Variants in PREX2 observed in about 807,000 individuals in gnomAD.
The protein encoded by PREX2 is phosphatidylinositol-3,4,5-trisphosphate dependent Rac exchange factor 2, also known as phosphatidylinositol 3,4,5-trisphosphate-dependent Rac exchanger 2 protein.
PREX2 carries 107 observed loss-of-function variants against 203.2 expected under a neutral mutation model. The observed-to-expected ratio is 0.53, with a 90% CI of 0.45 to 0.62. The LOEUF (loss-of-function observed/expected upper bound fraction) is 0.62, where lower values mean the gene tolerates loss of function less well. Ranked by LOEUF, PREX2 falls within the 20% of genes least tolerant of loss-of-function variation. PREX2 has a pLI of 0.00. For missense variants in PREX2, 1,777 were observed against 1,955.9 expected (o/e 0.91, Z 1.72); for synonymous variants, 672 against 663.6 (o/e 1.01, Z -0.19).
intron 1 of PREX2, 40 bp downstream of exon 1, chr8:67,952,575 CGCGGGGCGCGGGTCCCGGAGTGGCT>C: frequency 6.3e-7 from 1 of 1,586,956 alleles, no homozygotes; most frequent in Non-Finnish European, 8.6e-7. Flanking sequence ...GTCCGGGCGG[CGCGGGGCGCGGGTCCCGGAGTGGCT>C]GCGGGAAGGA....
In PREX2 at chr8:68,191,673, A is replaced by G. The variant is rs372762373; in HGVS notation, c.4347-49A>G. ...ATTCTTGAACATCTTCATGCATATTATGTCTTTTCCTAACAACAAATGATA... is the reference window on the plus strand; with the variant it reads ...ATTCTTGAACATCTTCATGCATATTGTGTCTTTTCCTAACAACAAATGATA... On this transcript the variant is annotated intron_variant, in intron 35 of 39. Transcript: ENST00000288368. 16 of 1,323,298 alleles carry G rather than the reference A, an allele frequency of 1.2e-5. No homozygotes were observed. The Admixed American group carries it at 1.9e-4, about 16-fold the overall frequency. 82.0% of individuals were successfully genotyped at this position (1,323,298 alleles called of 1,614,324 possible).
intron 1 of PREX2, among the ~76,000 whole-genome samples, chr8:67,978,769 A>G (rs998479241): frequency 6.6e-6 from 1 of 152,178 alleles, no homozygotes; most frequent in Non-Finnish European, 1.5e-5. Context: ...AGTAGCCTAT[A>G]AGCCACTCTA....
rs76957356 is a variant in PREX2 at position 68,112,308 on chromosome 8, T to C, written c.3146+2685T>C. 5.9e-4 allele frequency among the ~76,000 whole-genome samples: 90 copies of C among 152,334 alleles called. 1 individual carries two copies. The highest frequency in any genetic ancestry group is 2.1e-3 in the African/African-American group (89 of 41,574). On this transcript the variant is annotated intron_variant, in intron 25 of 39. Transcript: ENST00000288368. ...AATAAGTAAAAGGAAAAATAATTAA[T>C]GTCCAAAACCTTTGACAGGGTTTTT...
In PREX2 at chr8:68,138,535, T is replaced by C. The variant is rs750528161; in HGVS notation, c.4087+18T>C. ...GGTTGCAAGTAAGTAATTAGGTATTTACAAAATTTATTTGGCATCAAATAA... is the reference window on the plus strand; with the variant it reads ...GGTTGCAAGTAAGTAATTAGGTATTCACAAAATTTATTTGGCATCAAATAA... On this transcript the variant is annotated intron_variant, in intron 33 of 39. Coordinates refer to ENST00000288368, the MANE Select transcript of PREX2 (RefSeq NM_024870.4). 6 of 1,267,740 alleles carry C rather than the reference T, an allele frequency of 4.7e-6. No individual in the cohort carries two copies. In the East Asian group the frequency reaches 1.2e-4, roughly 25 times the overall value. The allele number at this position is 1,267,740 out of a possible 1,614,324, so 78.5% of individuals were successfully genotyped here. A position where few individuals can be genotyped will look rare whatever the true frequency, so the allele number is the denominator to read the frequency against.
At chr8:67,957,300 T>TAAC (rs34192493) in intron 1 of PREX2, among the ~76,000 whole-genome samples, 65,633 of 151,826 alleles carry the variant, frequency 0.43, 14,712 homozygotes, top group East Asian at 0.61. Context: ...ATATTCCAGG[T>TAAC]AACAACCACA....
intron 35 of PREX2, among the ~76,000 whole-genome samples, chr8:68,178,284 G>A (rs532396215): frequency 8.5e-5 from 13 of 152,142 alleles, no homozygotes; most frequent in East Asian, 3.9e-4. Context: ...CCTCGTCAGC[G>A]TCTGTTATTT....
chr8:68,119,307 A>G, intron 27 of PREX2, 125 bp from the exon 28 acceptor site: 1 of 630,026 alleles, frequency 1.6e-6, no homozygotes, highest in South Asian at 2.1e-5. Context: ...TGAACATGAG[A>G]ACTGTGCATG....
chr8:67,992,749 G>C (rs1193588051), intron 1 of PREX2, among the ~76,000 whole-genome samples: 1 of 152,172 alleles, frequency 6.6e-6, no homozygotes, highest in Admixed American at 6.5e-5. Context: ...AGCCTCTGTA[G>C]CAACGGTGCA....
At chr8:68,190,901 A>G (rs992811593) in intron 35 of PREX2, among the ~76,000 whole-genome samples, 10 of 151,996 alleles carry the variant, frequency 6.6e-5, no homozygotes, top group Non-Finnish European at 1.5e-4. Context: ...TCGAGCCACA[A>G]GCAAAGCAAA....
chr8:67,962,348 A>G (rs1490384650), intron 1 of PREX2, among the ~76,000 whole-genome samples: 3 of 152,136 alleles, frequency 2.0e-5, no homozygotes, highest in Non-Finnish European at 2.9e-5. Context: ...TTAGGATTCC[A>G]GAAATAACAT....
intron 10 of PREX2, among the ~76,000 whole-genome samples, chr8:68,056,964 A>G (rs1394112564): frequency 6.6e-6 from 1 of 152,150 alleles, no homozygotes. Context: ...TTAACCAGCG[A>G]TGGGAACACA....
intron 1 of PREX2, among the ~76,000 whole-genome samples, chr8:67,984,018 A>C (rs1211730956): frequency 6.6e-6 from 1 of 152,044 alleles, no homozygotes; most frequent in Admixed American, 6.6e-5. Context: ...TTGTATTCTC[A>C]TGCCTCTGAT....
rs1445311645 is a variant in PREX2 at position 68,038,267 on chromosome 8, T to G, written c.814T>G (p.Leu272Val). 2.5e-6 allele frequency: 4 copies of G among 1,613,774 alleles called. No homozygotes were observed. The highest frequency in any genetic ancestry group is 3.4e-6 in the Non-Finnish European group (4 of 1,179,892). The change falls in exon 7 of 40, where the codon TTG becomes GTG. Residue 272 changes from leucine to valine, a missense_variant. Coordinates refer to ENST00000288368, the MANE Select transcript of PREX2 (RefSeq NM_024870.4). Reference sequence around the variant, plus strand: ...GGTGTTTTTTCTTTTCGATAATCTTTTGGTGTACTGCAAAAGAAAACACAG... The same window carrying G: ...GGTGTTTTTTCTTTTCGATAATCTTGTGGTGTACTGCAAAAGAAAACACAG... Reference protein sequence around the residue: ...ERVFFLFDNLLVYCKRKHRRL... With the variant: ...ERVFFLFDNLVVYCKRKHRRL...
At position 68,224,637 on chromosome 8, in the gene PREX2, C is replaced by A; in HGVS notation, c.4775+11C>A. On this transcript the variant is annotated intron_variant, in intron 39 of 39. Coordinates refer to ENST00000288368, the MANE Select transcript of PREX2 (RefSeq NM_024870.4). ...ACAGTCTGCACCAAGGTAAGTGCAT[C>A]CCCTGCTCTGCCCTTGCCCGAAAGA... The A allele has an allele frequency of 6.2e-7, 1 of 1,602,232 alleles. No individual in the cohort carries two copies. Among genetic ancestry groups the A allele is most frequent in the Non-Finnish European group, 8.5e-7 (1 of 1,169,626 alleles).
chr8:68,095,080 T>C (rs1810015443), intron 21 of PREX2: 1 of 152,200 alleles, frequency 6.6e-6, no homozygotes, highest in Non-Finnish European at 1.5e-5. Context: ...CACCGAGCTG[T>C]GTAGTGGGAA....
chr8:68,075,119 C>T (rs1279538149), intron 14 of PREX2, among the ~76,000 whole-genome samples: 1 of 152,176 alleles, frequency 6.6e-6, no homozygotes, highest in African/African-American at 2.4e-5. Flanking sequence ...TGCTTCTTCA[C>T]ATCCATGCGG....
chr8:67,998,146 A>C (rs4461889), intron 1 of PREX2, among the ~76,000 whole-genome samples: 104,271 of 151,986 alleles, frequency 0.69, 35,990 homozygotes, highest in South Asian at 0.81. Flanking sequence ...GTGTTGTTAA[A>C]TTTTTGCATT....
intron 1 of PREX2, among the ~76,000 whole-genome samples, chr8:67,976,810 AGAGT>A (rs1437662760): frequency 7.6e-6 from 1 of 131,344 alleles, no homozygotes; most frequent in East Asian, 3.1e-4. Flanking sequence ...AGAGAGAGAG[AGAGT>A]GAGACAGAGA....
At chr8:68,045,173 C>T (rs1051867075) in intron 8 of PREX2, among the ~76,000 whole-genome samples, 5 of 151,772 alleles carry the variant, frequency 3.3e-5, no homozygotes, top group African/African-American at 1.2e-4. Flanking sequence ...TTTATGAAAT[C>T]ATGATTAGTC....
Sources: allele counts gnomAD v4.1 joint callset (sites outside exome capture counted in the v4.1 genomes callset), GRCh38; gene constraint gnomAD v4.1.1; transcripts MANE v1.5; gene names NCBI Gene and HGNC (gene_info 2026-07-23, HGNC 2026-07-21).